Variants in KIAA1328 observed in about 807,000 individuals in gnomAD.
KIAA1328 encodes protein hinderin.
A neutral mutation model predicts 68.1 loss-of-function variants in KIAA1328; 52 were observed. That is an observed-to-expected ratio of 0.76 (90% CI 0.61 to 0.96). The LOEUF is 0.96. Among genes scored for constraint, KIAA1328 ranks in the 40% least tolerant of loss-of-function variants. The pLI is 0.00. For missense variants in KIAA1328, 641 were observed against 677.6 expected, an observed-to-expected ratio of 0.95 and a Z score of 0.60; for synonymous variants, 232 against 239.4, an observed-to-expected ratio of 0.97 and a Z score of 0.28.
intron 7 of KIAA1328, among the ~76,000 whole-genome samples, chr18:37,109,320 A>T (rs1373594534): frequency 6.6e-6 from 1 of 152,240 alleles, no homozygotes; most frequent in Non-Finnish European, 1.5e-5. Flanking sequence ...TTGTATAAAC[A>T]TCATTTGTTA....
Position 37,003,641 on chromosome 18 carries a change from G to T in KIAA1328, c.576+44206G>T, listed in dbSNP as rs184196295. Among the ~76,000 whole-genome samples, 193 of 152,170 alleles carry T rather than the reference G, an allele frequency of 1.3e-3. 1 individual carries two copies. Among genetic ancestry groups the T allele is most frequent in the Non-Finnish European group, 2.0e-3 (133 of 67,938 alleles). On this transcript the variant is annotated intron_variant, in intron 6 of 9. Coordinates refer to ENST00000280020, the MANE Select transcript of KIAA1328 (RefSeq NM_020776.3). ...TTTTTGTTGCATTTGCTTTTGGGTT[G>T]TTGGTCATGAAGTCTTTGCCTAAAC...
intron 7 of KIAA1328, among the ~76,000 whole-genome samples, chr18:37,128,388 C>CTGG (rs2151949485): frequency 6.6e-6 from 1 of 152,166 alleles, no homozygotes; most frequent in Non-Finnish European, 1.5e-5. Context: ...GCACGAAAAC[C>CTGG]CTTGAACCTG....
chr18:37,052,983 A>G (rs6507190), intron 6 of KIAA1328, among the ~76,000 whole-genome samples: 40,730 of 152,154 alleles, frequency 0.27, 8,604 homozygotes, highest in African/African-American at 0.59. Context: ...ATAGAATTAG[A>G]AAAAGCAGTT....
At chr18:36,992,566 AT>A (rs1472175806) in intron 6 of KIAA1328, among the ~76,000 whole-genome samples, 1 of 136,944 alleles carries the variant, frequency 7.3e-6, no homozygotes, top group Non-Finnish European at 1.5e-5. Context: ...GTCCTTTTTT[AT>A]TTTGCTGGAG....
chr18:36,910,731 G>T (rs189270725), intron 5 of KIAA1328, among the ~76,000 whole-genome samples: 13 of 152,182 alleles, frequency 8.5e-5, no homozygotes, highest in Non-Finnish European at 1.8e-4. Flanking sequence ...CCATTTTCAT[G>T]ATATTGATTC....
chr18:36,979,170 A>G (rs1344576768), intron 6 of KIAA1328, among the ~76,000 whole-genome samples: 2 of 148,820 alleles, frequency 1.3e-5, no homozygotes, highest in East Asian at 4.1e-4. Context: ...TCTAAAAATA[A>G]TAAAATAAAA....
At chr18:37,092,769 G>T (rs2057301832) in intron 7 of KIAA1328, among the ~76,000 whole-genome samples, 1 of 152,144 alleles carries the variant, frequency 6.6e-6, no homozygotes, top group Non-Finnish European at 1.5e-5. Flanking sequence ...AGGGGCCTGA[G>T]GATTGGCCTA....
chr18:36,963,190 A>C (rs1201990162), intron 6 of KIAA1328, among the ~76,000 whole-genome samples: 1 of 152,206 alleles, frequency 6.6e-6, no homozygotes, highest in Non-Finnish European at 1.5e-5. Flanking sequence ...GTTTATGTGA[A>C]GTTTCCCTGC....
chr18:37,147,280 T>C (rs1484932652), intron 7 of KIAA1328, among the ~76,000 whole-genome samples: 2 of 152,234 alleles, frequency 1.3e-5, no homozygotes, highest in Non-Finnish European at 2.9e-5. Context: ...AATCGTGAAT[T>C]TAAATAAAGT....
At chr18:37,032,608 T>C (rs1221210540) in intron 6 of KIAA1328, among the ~76,000 whole-genome samples, 1 of 152,030 alleles carries the variant, frequency 6.6e-6, no homozygotes, top group Non-Finnish European at 1.5e-5. Context: ...TTTCATAATA[T>C]TGTATCATTT....
At chr18:37,227,209 A>G (rs2154228176), downstream of KIAA1328, among the ~76,000 whole-genome samples, 1 of 152,374 alleles carries the variant, frequency 6.6e-6, no homozygotes, top group Non-Finnish European at 1.5e-5. Flanking sequence ...TTAAGGAAAG[A>G]GACCATCTCC....
At chr18:37,000,394 A>G (rs322637) in intron 6 of KIAA1328, among the ~76,000 whole-genome samples, 111,494 of 151,990 alleles carry the variant, frequency 0.73, 43,987 homozygotes, top group South Asian at 0.89. Flanking sequence ...GAGATAAACT[A>G]CAATACAGTA....
At chr18:37,186,304 G>A (rs1363281862) in intron 9 of KIAA1328, among the ~76,000 whole-genome samples, 1 of 151,708 alleles carries the variant, frequency 6.6e-6, no homozygotes, top group African/African-American at 2.4e-5. Flanking sequence ...GAGTGCAGTG[G>A]CTCACGCTCC....
At chr18:36,937,672 G>T (rs984157019) in intron 5 of KIAA1328, among the ~76,000 whole-genome samples, 2 of 152,062 alleles carry the variant, frequency 1.3e-5, no homozygotes, top group African/African-American at 4.8e-5. Flanking sequence ...TTTAATTGAG[G>T]TAATATACTA....
At chr18:36,979,679 A>G (rs2052606842) in intron 6 of KIAA1328, among the ~76,000 whole-genome samples, 1 of 152,176 alleles carries the variant, frequency 6.6e-6, no homozygotes, top group African/African-American at 2.4e-5. Flanking sequence ...CAACCATAAC[A>G]ATGCCAATCA....
chr18:36,949,009 ATTGT>A (rs2051031244), intron 5 of KIAA1328, among the ~76,000 whole-genome samples: 1 of 152,062 alleles, frequency 6.6e-6, no homozygotes, highest in South Asian at 2.1e-4. Context: ...CATAGTCTAT[ATTGT>A]CAGGAATTTT....
At chr18:37,037,333 A>T (rs2055066338) in intron 6 of KIAA1328, among the ~76,000 whole-genome samples, 1 of 152,182 alleles carries the variant, frequency 6.6e-6, no homozygotes, top group African/African-American at 2.4e-5. Context: ...TCCTAAGGCA[A>T]GTACCAGAGG....
intron 5 of KIAA1328, among the ~76,000 whole-genome samples, chr18:36,932,424 T>C (rs1387323644): frequency 6.6e-6 from 1 of 152,144 alleles, no homozygotes; most frequent in East Asian, 1.9e-4. Flanking sequence ...TTTTGTTATG[T>C]TGTTGAAAGC....
chr18:37,230,215 A>C (rs1787631), downstream of KIAA1328: 42,210 of 152,180 alleles, frequency 0.28, 9,398 homozygotes, highest in African/African-American at 0.62. Context: ...CACAACCTGG[A>C]TTAAAGCATT....
Sources: gnomAD v4.1 joint callset for allele counts (sites outside exome capture counted in the v4.1 genomes callset) on GRCh38, gnomAD v4.1.1 for gene constraint, MANE v1.5 for transcripts, NCBI Gene and HGNC (gene_info 2026-07-23, HGNC 2026-07-21) for gene names.